The following STK33 variants were observed in gnomAD, a reference collection of about 807,000 sequenced individuals.
STK33 encodes serine/threonine kinase 33.
In STK33, 52 loss-of-function variants were observed where a neutral mutation model predicts 58.0. The observed-to-expected ratio is 0.90, with a 90% CI of 0.72 to 1.13. The LOEUF is 1.13. STK33 is among the 50% of genes most tolerant of loss of function. STK33 has a pLI of 0.00. For missense variants in STK33, 630 were observed against 604.2 expected (o/e 1.04, Z -0.45); for synonymous variants, 215 against 200.1 (o/e 1.07, Z -0.63).
At chr11:8,416,326 T>C (rs746260879) in intron 14 of STK33, among the ~76,000 whole-genome samples, 3 of 152,190 alleles carry the variant, frequency 2.0e-5, no homozygotes, top group Non-Finnish European at 4.4e-5. Context: ...GTAAGCACTA[T>C]TTAAATGAAT....
At chr11:8,443,371 T>C (rs2136501142) in intron 11 of STK33, among the ~76,000 whole-genome samples, 1 of 152,176 alleles carries the variant, frequency 6.6e-6, no homozygotes, top group East Asian at 1.9e-4. Context: ...ACAAAGAAAA[T>C]TCCTAAAAGT....
the STK33 span, among the ~76,000 whole-genome samples, chr11:8,344,413 A>G: frequency 6.6e-6 from 1 of 152,164 alleles, no homozygotes; most frequent in South Asian, 2.1e-4. Context: ...AACAGCAAAC[A>G]CTTCTATAGC....
In STK33 at chr11:8,522,079, G is replaced by A. The variant is rs950790551; in HGVS notation, c.-465-41465C>T. On this transcript the variant is annotated intron_variant, in intron 1 of 15. Transcript: ENST00000687296. Reference sequence around the variant, plus strand: ...GGAAGACAGTGTGGCAATTCCTCAAGTATCTAGAACTAGGAATACCATTTG... The same window carrying A: ...GGAAGACAGTGTGGCAATTCCTCAAATATCTAGAACTAGGAATACCATTTG... 5.9e-5 allele frequency among the ~76,000 whole-genome samples: 9 copies of A among 152,190 alleles called. No individual in the cohort carries two copies. In the East Asian group the frequency reaches 1.5e-3, roughly 26 times the overall value.
chr11:8,470,890 T>C (rs1591331032), intron 6 of STK33, among the ~76,000 whole-genome samples: 1 of 152,068 alleles, frequency 6.6e-6, no homozygotes, highest in Non-Finnish European at 1.5e-5. Flanking sequence ...ACAACAGATA[T>C]AATAATGAAG....
chr11:8,506,846 ACACATACATATG>A (rs1426068515), intron 1 of STK33, among the ~76,000 whole-genome samples: 2 of 152,068 alleles, frequency 1.3e-5, no homozygotes, highest in Non-Finnish European at 2.9e-5. Flanking sequence ...ATAAATACAC[ACACATACATATG>A]CACATACATA....
intron 1 of STK33, among the ~76,000 whole-genome samples, chr11:8,573,212 T>C (rs1957943527): frequency 6.6e-6 from 1 of 152,210 alleles, no homozygotes; most frequent in Non-Finnish European, 1.5e-5. Context: ...AAAGAATTTG[T>C]ATCTAAAACA....
At chr11:8,421,671 T>C (rs1472421958) in intron 14 of STK33, among the ~76,000 whole-genome samples, 1 of 152,188 alleles carries the variant, frequency 6.6e-6, no homozygotes. Context: ...ACGGGAAAAA[T>C]TAATTTTTGA....
chr11:8,482,104 G>T (rs1015190211), intron 1 of STK33, among the ~76,000 whole-genome samples: 1 of 152,280 alleles, frequency 6.6e-6, no homozygotes, highest in East Asian at 1.9e-4. Context: ...TTTTCTGGGA[G>T]AGCCTGTTTC....
chr11:8,524,030 T>C (rs1007870059), intron 1 of STK33, among the ~76,000 whole-genome samples: 3 of 152,174 alleles, frequency 2.0e-5, no homozygotes, highest in Non-Finnish European at 2.9e-5. Flanking sequence ...AACCCAGTGC[T>C]CTCTGAAACA....
Position 8,512,883 on chromosome 11 carries a change from A to G in STK33, c.-465-32269T>C, listed in dbSNP as rs567623864. ...CTCTTCTTTCTTCCTATTGTGCCTT[A>G]TAACTTCCCATTATATTTAGCATAT... On this transcript the variant is annotated intron_variant, in intron 1 of 15. Transcript: ENST00000687296. Among the ~76,000 whole-genome samples, 7 of 152,270 alleles carry G rather than the reference A, an allele frequency of 4.6e-5. No homozygotes were observed. In the South Asian group the frequency reaches 1.2e-3, roughly 27 times the overall value.
chr11:8,523,074 G>A (rs1453876228), intron 1 of STK33, among the ~76,000 whole-genome samples: 8 of 152,240 alleles, frequency 5.3e-5, no homozygotes, highest in Admixed American at 1.3e-4. Flanking sequence ...GATTGCAGAC[G>A]GAGTCTCGCT....
At chr11:8,547,102 C>T (rs1955980501) in intron 1 of STK33, among the ~76,000 whole-genome samples, 1 of 152,164 alleles carries the variant, frequency 6.6e-6, no homozygotes, top group Admixed American at 6.5e-5. Flanking sequence ...GGAGAATAGC[C>T]ATTTTAACTG....
the STK33 span, among the ~76,000 whole-genome samples, chr11:8,369,295 C>CTATGTG: frequency 1.5e-5 from 2 of 137,662 alleles, no homozygotes; most frequent in Non-Finnish European, 3.1e-5. Context: ...GGTTTTTACT[C>CTATGTG]TGTGTGTGTG....
rs77804124 is a variant in STK33 at position 8,473,296 on chromosome 11, TA to T, written c.226-21del. 6.0e-3 allele frequency: 6,771 copies of T among 1,119,594 alleles called. 1 individual carries two copies. Among genetic ancestry groups the T allele is most frequent in the African/African-American group, 7.4e-3 (457 of 61,388 alleles). 69.4% of individuals were successfully genotyped at this position (1,119,594 alleles called of 1,614,324 possible). On this transcript the variant is annotated intron_variant, in intron 5 of 15. Coordinates refer to ENST00000687296, the MANE Select transcript of STK33 (RefSeq NM_001352389.2). The stretch of plus-strand genomic sequence containing the variant: ...TGAGGGCTGGGACCAAAAAAAAAAT[TA>T]AAAAAAAAAAACTTTAAGATGTAAT...
At chr11:8,343,161 T>C in the STK33 span, among the ~76,000 whole-genome samples, 2 of 152,214 alleles carry the variant, frequency 1.3e-5, no homozygotes, top group Non-Finnish European at 2.9e-5. Context: ...AGAGCCCCAG[T>C]GGGAGCGTGG....
chr11:8,529,081 A>C (rs1286671514), intron 1 of STK33, among the ~76,000 whole-genome samples: 1 of 152,214 alleles, frequency 6.6e-6, no homozygotes, highest in Non-Finnish European at 1.5e-5. Flanking sequence ...CAGCGAAACT[A>C]GGGTTTGAAT....
At chr11:8,566,463 T>C (rs1957450300) in intron 1 of STK33, among the ~76,000 whole-genome samples, 2 of 152,230 alleles carry the variant, frequency 1.3e-5, no homozygotes, top group African/African-American at 2.4e-5. Flanking sequence ...GAATCTGAAG[T>C]ACTAGTAACA....
At chr11:8,571,606 G>C (rs1161696622) in intron 1 of STK33, among the ~76,000 whole-genome samples, 2 of 152,114 alleles carry the variant, frequency 1.3e-5, no homozygotes, top group African/African-American at 2.4e-5. Flanking sequence ...GGCTGAGGCG[G>C]GTGGATCACG....
chr11:8,498,082 T>C (rs1055364168), intron 1 of STK33, among the ~76,000 whole-genome samples: 1 of 152,218 alleles, frequency 6.6e-6, no homozygotes, highest in African/African-American at 2.4e-5. Context: ...TAGTATACTA[T>C]ATTAATGCAA....
Sources: gnomAD v4.1 joint callset for allele counts (sites outside exome capture counted in the v4.1 genomes callset) on GRCh38, gnomAD v4.1.1 for gene constraint, MANE v1.5 for transcripts, NCBI Gene and HGNC (gene_info 2026-07-23, HGNC 2026-07-21) for gene names.